The following LMBR1 variants were observed in gnomAD, a reference collection of about 807,000 sequenced individuals.
The protein encoded by LMBR1 is limb region 1 protein homolog.
In LMBR1, 52 loss-of-function variants were observed where a neutral mutation model predicts 73.9. That is an observed-to-expected ratio of 0.70 (90% confidence interval 0.56 to 0.89). The LOEUF is 0.89. Ranked by LOEUF, LMBR1 falls within the 40% of genes least tolerant of loss-of-function variation. The probability of loss-of-function intolerance (pLI) is 0.00; values close to 1 mark genes in which losing one functional copy is unlikely to be tolerated. For missense variants in LMBR1, 539 were observed against 579.8 expected, an observed-to-expected ratio of 0.93 and a Z score of 0.72; for synonymous variants, 215 against 209.4, an observed-to-expected ratio of 1.03 and a Z score of -0.23.
At chr7:156,855,385 A>G (rs1796797148) in intron 1 of LMBR1, among the ~76,000 whole-genome samples, 1 of 152,182 alleles carries the variant, frequency 6.6e-6, no homozygotes, top group South Asian at 2.1e-4. Flanking sequence ...CCCTCTCCCC[A>G]TCTCTTAACA....
At position 156,884,803 on chromosome 7, in the gene LMBR1, T is replaced by C. The variant is rs182322062; in HGVS notation, c.66+8125A>G. Among the ~76,000 whole-genome samples the C allele has an allele frequency of 1.2e-3, 185 of 152,324 alleles. 1 individual carries two copies. Among genetic ancestry groups the C allele is most frequent in the African/African-American group, 4.2e-3 (176 of 41,580 alleles). On this transcript the variant is annotated intron_variant, in intron 1 of 16. Coordinates refer to ENST00000353442, the MANE Select transcript of LMBR1 (RefSeq NM_022458.4). ...ACTCCAAGATAACTGCATTCTGAACTTACATACAAGATTGGTGATTGGTTC... is the reference window on the plus strand; with the variant it reads ...ACTCCAAGATAACTGCATTCTGAACCTACATACAAGATTGGTGATTGGTTC...
intron 4 of LMBR1, among the ~76,000 whole-genome samples, chr7:156,819,676 T>C (rs184469886): frequency 1.8e-3 from 270 of 152,306 alleles, no homozygotes; most frequent in African/African-American, 6.0e-3. Context: ...AGACCGTTCG[T>C]GAACTTCTGG....
At chr7:156,784,154 A>G (rs183790414) in intron 5 of LMBR1, among the ~76,000 whole-genome samples, 2 of 152,230 alleles carry the variant, frequency 1.3e-5, no homozygotes, top group African/African-American at 4.8e-5. Flanking sequence ...AATCCCCTAG[A>G]TAATATATTA....
At chr7:156,695,855 A>G (rs551596974) in intron 15 of LMBR1, among the ~76,000 whole-genome samples, 1 of 150,830 alleles carries the variant, frequency 6.6e-6, no homozygotes, top group East Asian at 1.9e-4. Context: ...AAGAAAAAAA[A>G]AGACACTGAT....
chr7:156,847,172 A>T (rs1335906488), intron 1 of LMBR1, among the ~76,000 whole-genome samples: 5 of 152,218 alleles, frequency 3.3e-5, no homozygotes, highest in Admixed American at 3.3e-4. Context: ...AGCAAAGGCT[A>T]TATAATGAAG....
intron 5 of LMBR1, among the ~76,000 whole-genome samples, chr7:156,764,409 A>G (rs1823712430): frequency 6.6e-6 from 1 of 152,222 alleles, no homozygotes; most frequent in Non-Finnish European, 1.5e-5. Flanking sequence ...ATCATTATGC[A>G]CAACTTTGTT....
At chr7:156,777,840 C>T (rs1423318967) in intron 5 of LMBR1, among the ~76,000 whole-genome samples, 4 of 152,178 alleles carry the variant, frequency 2.6e-5, no homozygotes, top group South Asian at 2.1e-4. Context: ...CATCATTACC[C>T]ACTTTGTTGT....
intron 5 of LMBR1, among the ~76,000 whole-genome samples, chr7:156,791,230 C>T (rs968053999): frequency 6.6e-6 from 1 of 152,184 alleles, no homozygotes; most frequent in Admixed American, 6.5e-5. Flanking sequence ...GATTTCCTCT[C>T]ACCCACCAGA....
intron 1 of LMBR1, among the ~76,000 whole-genome samples, chr7:156,883,185 G>A (rs990206056): frequency 6.6e-6 from 1 of 152,204 alleles, no homozygotes; most frequent in Admixed American, 6.5e-5. Context: ...CAGATCACCT[G>A]AGGTCTGGAG....
intron 10 of LMBR1, among the ~76,000 whole-genome samples, chr7:156,732,584 C>A (rs911225945): frequency 5.3e-5 from 8 of 152,060 alleles, no homozygotes; most frequent in African/African-American, 1.4e-4. Flanking sequence ...AAAGAACCAC[C>A]CCAAAATATG....
intron 1 of LMBR1, among the ~76,000 whole-genome samples, chr7:156,875,812 T>C (rs973246090): frequency 6.6e-6 from 1 of 151,756 alleles, no homozygotes; most frequent in African/African-American, 2.4e-5. Flanking sequence ...ACTGCTAAAG[T>C]AGCTGTAAAT....
At position 156,685,433 on chromosome 7, in the gene LMBR1, CT is replaced by C. The variant is rs1419068166; in HGVS notation, c.1388-1271del. On this transcript the variant is annotated intron_variant, in intron 16 of 16. Coordinates refer to ENST00000353442, the MANE Select transcript of LMBR1 (RefSeq NM_022458.4). This position sits in a 1 kb window ranked among gnomAD's most constrained non-coding sequence, Gnocchi z 4.1. ...GCTGTGATGCCATCATAGAGTGTAT[CT>C]ATACACCCAGAGGGCACAGCCATGC... Among the ~76,000 whole-genome samples, 1 of 152,226 alleles carries C rather than the reference CT, an allele frequency of 6.6e-6. No homozygotes were observed. Among genetic ancestry groups the C allele is most frequent in the Non-Finnish European group, 1.5e-5 (1 of 68,040 alleles).
intron 5 of LMBR1, chr7:156,779,678 A>T: frequency 7.8e-7 from 1 of 1,285,878 alleles, no homozygotes; most frequent in Non-Finnish European, 1.0e-6. Flanking sequence ...AGAAGCTGTC[A>T]TGTTTCTATG....
intron 7 of LMBR1, among the ~76,000 whole-genome samples, chr7:156,762,873 C>G (rs933737414): frequency 4.9e-4 from 60 of 122,840 alleles, no homozygotes; most frequent in Non-Finnish European, 9.2e-4. Context: ...GTGTGTGTGT[C>G]TGTCCGTCTG....
chr7:156,746,657 T>G (rs1168207356), intron 9 of LMBR1, among the ~76,000 whole-genome samples: 1 of 152,182 alleles, frequency 6.6e-6, no homozygotes, highest in Admixed American at 6.5e-5. Context: ...ATGACTAGAT[T>G]CATCTGAGAT....
chr7:156,790,202 TA>T (rs1168736152), intron 5 of LMBR1, among the ~76,000 whole-genome samples: 1 of 152,100 alleles, frequency 6.6e-6, no homozygotes, highest in African/African-American at 2.4e-5. Context: ...CTGTTAGATA[TA>T]AAAAGTAATC....
intron 1 of LMBR1, among the ~76,000 whole-genome samples, chr7:156,879,915 G>T (rs946835745): frequency 6.6e-6 from 1 of 152,132 alleles, no homozygotes; most frequent in Non-Finnish European, 1.5e-5. Context: ...ATGTAAACTG[G>T]TACAACCACT....
At chr7:156,771,746 T>C (rs190452401) in intron 5 of LMBR1, among the ~76,000 whole-genome samples, 2 of 152,306 alleles carry the variant, frequency 1.3e-5, no homozygotes, top group East Asian at 3.9e-4. Context: ...GAGGCCAGCA[T>C]CATTCTGATA....
chr7:156,715,153 T>C (rs983692315), intron 15 of LMBR1, among the ~76,000 whole-genome samples: 2 of 152,080 alleles, frequency 1.3e-5, no homozygotes, highest in Non-Finnish European at 2.9e-5. Flanking sequence ...GGTTTCACGA[T>C]GTTGGCCAGG....
Sources: allele counts gnomAD v4.1 joint callset (sites outside exome capture counted in the v4.1 genomes callset), GRCh38; gene constraint gnomAD v4.1.1; non-coding constraint Gnocchi (gnomAD v3.1); transcripts MANE v1.5; gene names NCBI Gene and HGNC (gene_info 2026-07-23, HGNC 2026-07-21).